GSE1: variants seen among roughly 807,000 people sequenced by gnomAD.
GSE1 encodes the protein Gse1 coiled-coil protein, also known as genetic suppressor element 1.
A neutral mutation model predicts 112.6 loss-of-function variants in GSE1; 32 were observed. The ratio of observed to expected loss-of-function variants is 0.28; its 90% CI spans 0.21 to 0.38. The LOEUF is 0.38. GSE1 is among the 10% of genes least tolerant of loss of function. The pLI, the probability that GSE1 is intolerant of heterozygous loss-of-function variation, is 1.00. For synonymous variants in GSE1, 1,115 were observed against 735.6 expected (o/e 1.52, Z -8.35); for missense variants, 2,348 against 1,699.2 (o/e 1.38, Z -6.71).
At position 85,666,340 on chromosome 16, in the gene GSE1, G is replaced by C; in HGVS notation, c.3123G>C (p.Lys1041Asn). 2 of 1,613,692 alleles carry C rather than the reference G, an allele frequency of 1.2e-6. No homozygotes were observed. The highest frequency in any genetic ancestry group is 1.1e-5 in the South Asian group (1 of 91,078). ...AGTCCACCCAGAAGGCCCTGCAGAA[G>C]CATAAAGGTAATGAGGCTGCCAGTC... ...VLQSTQKALQ[K>N]HKGSVAVLSA... The change falls in exon 13 of 16, where the codon AAG becomes AAC. Residue 1041 changes from lysine to asparagine, a missense_variant. Coordinates refer to ENST00000253458, the MANE Select transcript of GSE1 (RefSeq NM_014615.5).
intron 2 of GSE1, among the ~76,000 whole-genome samples, chr16:85,636,431 CCT>C (rs971195373): frequency 9.8e-5 from 15 of 152,318 alleles, no homozygotes; most frequent in African/African-American, 2.2e-4. Flanking sequence ...GCTGGTCACC[CCT>C]GTCAGGCCTT....
At chr16:85,170,789 G>T in exon 1 of GSE1, 1 of 985,562 alleles carries the variant, frequency 1.0e-6, no homozygotes, top group Non-Finnish European at 1.2e-6. Flanking sequence ...ACCTTGGTGT[G>T]CGCCAGCTGC....
At chr16:85,456,821 C>G (rs571349920) in intron 2 of GSE1, among the ~76,000 whole-genome samples, 1 of 151,992 alleles carries the variant, frequency 6.6e-6, no homozygotes, top group South Asian at 2.1e-4. Flanking sequence ...CTCTGTGCCC[C>G]GCCACACTCC....
chr16:85,190,700 G>A (rs2074801941), intron 1 of GSE1, among the ~76,000 whole-genome samples: 1 of 152,258 alleles, frequency 6.6e-6, no homozygotes, highest in Non-Finnish European at 1.5e-5. Flanking sequence ...GGGAATTTCT[G>A]CTTCATCAGC....
chr16:85,461,235 G>T (rs932828081), intron 2 of GSE1, among the ~76,000 whole-genome samples: 4 of 152,214 alleles, frequency 2.6e-5, no homozygotes, highest in African/African-American at 9.6e-5. Flanking sequence ...TCTGTCTGCT[G>T]GAGGGTGTTG....
chr16:85,231,500 A>G (rs1006037781), intron 1 of GSE1, among the ~76,000 whole-genome samples: 1 of 152,214 alleles, frequency 6.6e-6, no homozygotes, highest in Non-Finnish European at 1.5e-5. Flanking sequence ...GGACGGAGGG[A>G]TGGATAGAAA....
chr16:85,495,341 G>A (rs1416027462), intron 2 of GSE1, among the ~76,000 whole-genome samples: 3 of 152,224 alleles, frequency 2.0e-5, no homozygotes, highest in East Asian at 1.9e-4. Context: ...TAGCGGCAGC[G>A]TGAGCCCTGC....
chr16:85,298,739 T>C lies in GSE1; in HGVS notation c.2284-58724T>C, dbSNP rs79968967. ...ACTGCACCTGGCCGAGACCTCATAATATTTTTAAAGAAACAGATTCACGCC... is the reference window on the plus strand; with the variant it reads ...ACTGCACCTGGCCGAGACCTCATAACATTTTTAAAGAAACAGATTCACGCC... On this transcript the variant is annotated intron_variant, in intron 1 of 2. Transcript: ENST00000637419. 7.8e-3 allele frequency among the ~76,000 whole-genome samples: 1,188 copies of C among 152,324 alleles called. 21 individuals are homozygous for C. The highest frequency in any genetic ancestry group is 0.027 in the African/African-American group (1,126 of 41,576).
intron 1 of GSE1, among the ~76,000 whole-genome samples, chr16:85,355,420 C>G (rs907303493): frequency 4.6e-5 from 7 of 152,188 alleles, no homozygotes; most frequent in African/African-American, 1.7e-4. Flanking sequence ...ACCCAGGGCT[C>G]TGAAGCCTCT....
chr16:85,567,114 T>G (rs540929507), intron 1 of GSE1, among the ~76,000 whole-genome samples: 2 of 148,152 alleles, frequency 1.3e-5, no homozygotes, highest in Non-Finnish European at 3.0e-5. Context: ...ACAGGCGGAT[T>G]TCAACCGCCT....
At chr16:85,604,759 A>ATATATATATATATATATATAT (rs2047613446) in intron 1 of GSE1, among the ~76,000 whole-genome samples, 1 of 5,746 alleles carries the variant, frequency 1.7e-4, no homozygotes, top group African/African-American at 8.5e-4. Flanking sequence ...AAAAAAAAAA[A>ATATATATATATATATATATAT]AAAAAAAAAA....
intron 1 of GSE1, among the ~76,000 whole-genome samples, chr16:85,266,974 G>A (rs1908311086): frequency 6.6e-6 from 1 of 152,206 alleles, no homozygotes. Flanking sequence ...CCTGCAGGGG[G>A]ATGGCTCTGC....
intron 8 of GSE1, among the ~76,000 whole-genome samples, chr16:85,660,898 G>A (rs2052374122): frequency 6.6e-6 from 1 of 152,126 alleles, no homozygotes. Context: ...CCAAAGTGCT[G>A]GGATTACAGG....
chr16:85,297,853 T>G (rs2045412036), intron 1 of GSE1, among the ~76,000 whole-genome samples: 1 of 152,188 alleles, frequency 6.6e-6, no homozygotes, highest in African/African-American at 2.4e-5. Context: ...CCTCTGTTGC[T>G]GGGATATGAA....
At chr16:85,222,892 C>G (rs1041495453) in intron 1 of GSE1, among the ~76,000 whole-genome samples, 1 of 152,108 alleles carries the variant, frequency 6.6e-6, no homozygotes, top group Non-Finnish European at 1.5e-5. Context: ...TGTTTTCTTA[C>G]CATTTTAGTT....
At chr16:85,607,420 C>A (rs935294637), upstream of GSE1, among the ~76,000 whole-genome samples, 1 of 152,242 alleles carries the variant, frequency 6.6e-6, no homozygotes, top group Non-Finnish European at 1.5e-5. Flanking sequence ...CGGCGGCGCT[C>A]ACAAAGCGAG....
chr16:85,411,614 C>CT (rs1597667578), intron 2 of GSE1, among the ~76,000 whole-genome samples: 1 of 10,394 alleles, frequency 9.6e-5, no homozygotes, highest in African/African-American at 2.0e-4. Context: ...AGGGCCCCCC[C>CT]GGATAATTCT....
At chr16:85,493,833 G>A (rs369329631) in intron 2 of GSE1, among the ~76,000 whole-genome samples, 1 of 148,590 alleles carries the variant, frequency 6.7e-6, no homozygotes, top group South Asian at 2.1e-4. Context: ...GTACACATCT[G>A]TAGTCCCAGC....
intron 1 of GSE1, among the ~76,000 whole-genome samples, chr16:85,624,772 C>G (rs2048959960): frequency 6.6e-6 from 1 of 152,200 alleles, no homozygotes; most frequent in Non-Finnish European, 1.5e-5. Flanking sequence ...GCCAGGACCA[C>G]TGCCTCCGGG....
Sources: allele counts gnomAD v4.1 joint callset (sites outside exome capture counted in the v4.1 genomes callset), GRCh38; gene constraint gnomAD v4.1.1; transcripts MANE v1.5; gene names NCBI Gene and HGNC (gene_info 2026-07-23, HGNC 2026-07-21).